The following SLC22A23 variants were observed in gnomAD, a reference collection of about 807,000 sequenced individuals.
The protein encoded by SLC22A23 is solute carrier family 22 member 23.
Under a neutral mutation model 61.0 loss-of-function variants are expected in SLC22A23, and 26 were observed. That is an observed-to-expected ratio of 0.43 (90% CI 0.31 to 0.59). The LOEUF is 0.59. Among genes scored for constraint, SLC22A23 ranks in the 20% least tolerant of loss-of-function variants. The pLI is 0.11. For missense variants in SLC22A23, 796 were observed against 934.7 expected, an observed-to-expected ratio of 0.85 and a Z score of 1.94; for synonymous variants, 430 against 413.9, an observed-to-expected ratio of 1.04 and a Z score of -0.47.
chr6:3,429,557 T>G (rs530061581), intron 1 of SLC22A23, among the ~76,000 whole-genome samples: 1 of 152,312 alleles, frequency 6.6e-6, no homozygotes, highest in East Asian at 1.9e-4. Context: ...AAATAGTCTG[T>G]AGACCCCCCA....
In SLC22A23 at chr6:3,309,352, G is replaced by A. The variant is rs1298552422; in HGVS notation, c.1083-11134C>T. On this transcript the variant is annotated intron_variant, in intron 4 of 9. Transcript: ENST00000406686. The surrounding 1 kb of genome is among the most constrained non-coding windows in gnomAD (Gnocchi z 4.7). ...CCAAGAATTCGAAATTAAGTAAAAG[G>A]GGTCTCTAATTAAATGCAGAGGTAA... Among the ~76,000 whole-genome samples, 1 of 152,138 alleles carries A rather than the reference G, an allele frequency of 6.6e-6. No individual in the cohort carries two copies. The highest frequency in any genetic ancestry group is 2.4e-5 in the African/African-American group (1 of 41,436).
At chr6:3,349,127 T>C (rs139222681) in intron 3 of SLC22A23, among the ~76,000 whole-genome samples, 52 of 152,346 alleles carry the variant, frequency 3.4e-4, no homozygotes, top group African/African-American at 1.2e-3. Context: ...AGCTGGGTGA[T>C]GGGGTGCTTC....
intron 3 of SLC22A23, among the ~76,000 whole-genome samples, chr6:3,383,267 G>C (rs1767068364): frequency 6.7e-6 from 1 of 149,908 alleles, no homozygotes; most frequent in South Asian, 2.2e-4. Context: ...ATGATGTACT[G>C]TTTATGCATA....
At chr6:3,291,286 C>G (rs1474850754) in intron 5 of SLC22A23, 1 of 152,222 alleles carries the variant, frequency 6.6e-6, no homozygotes, top group African/African-American at 2.4e-5. Context: ...CCTCTTCCAC[C>G]TCCTTCCTGC....
At chr6:3,375,476 C>G (rs961342518) in intron 3 of SLC22A23, among the ~76,000 whole-genome samples, 3 of 152,190 alleles carry the variant, frequency 2.0e-5, no homozygotes, top group African/African-American at 7.2e-5. Flanking sequence ...GGTAGTGGTG[C>G]ACTACAGTGA....
At chr6:3,370,158 T>G (rs947571157) in intron 3 of SLC22A23, among the ~76,000 whole-genome samples, 1 of 152,206 alleles carries the variant, frequency 6.6e-6, no homozygotes, top group Non-Finnish European at 1.5e-5. Flanking sequence ...CCTAAATTTA[T>G]TTTTTCCTTG....
intron 9 of SLC22A23, among the ~76,000 whole-genome samples, chr6:3,279,612 T>TC (rs1377684109): frequency 6.6e-5 from 10 of 151,670 alleles, no homozygotes; most frequent in African/African-American, 2.4e-4. Context: ...TGTTTTTTTT[T>TC]CTCTCTTGAA....
intron 1 of SLC22A23, among the ~76,000 whole-genome samples, chr6:3,420,595 A>G (rs1254980696): frequency 6.6e-6 from 1 of 152,230 alleles, no homozygotes; most frequent in Non-Finnish European, 1.5e-5. Flanking sequence ...AGATTTTGTA[A>G]CAGTCTAATG....
At chr6:3,394,784 A>G (rs1481474280) in intron 3 of SLC22A23, among the ~76,000 whole-genome samples, 1 of 152,126 alleles carries the variant, frequency 6.6e-6, no homozygotes, top group African/African-American at 2.4e-5. Context: ...CAGCCCCCAC[A>G]TGATAGTCCC....
intron 1 of SLC22A23, among the ~76,000 whole-genome samples, chr6:3,453,719 C>T (rs945471548): frequency 1.3e-5 from 2 of 152,188 alleles, no homozygotes; most frequent in Non-Finnish European, 2.9e-5. Context: ...GGCTTATTTG[C>T]AAGAGAAAGA....
In SLC22A23 at chr6:3,455,945, G is replaced by A; in HGVS notation, c.615C>T (p.Tyr205=). Residue 205 remains tyrosine (Y), a synonymous_variant, in exon 1 of 10, where the codon TAC becomes TAT. Transcript: ENST00000406686. ...ASNCDCRAWD[Y]GIRAGLVQNV... is the part of the protein sequence containing the mutation. The stretch of plus-strand genomic sequence containing the variant: ...TCTGGACGAGGCCGGCGCGGATGCC[G>A]TAGTCCCATGCGCGGCAGTCACAGT... 2 of 1,534,778 alleles carry A rather than the reference G, an allele frequency of 1.3e-6. No individual in the cohort carries two copies. Among genetic ancestry groups the A allele is most frequent in the East Asian group, 2.5e-5 (1 of 40,552 alleles).
intron 9 of SLC22A23, chr6:3,283,492 GT>G: frequency 3.2e-6 from 1 of 313,610 alleles, no homozygotes; most frequent in Admixed American, 4.2e-5. Context: ...TAGCTGTGCC[GT>G]GAGGTCTCTT....
chr6:3,302,451 TTA>T (rs1761680394), intron 4 of SLC22A23, among the ~76,000 whole-genome samples: 4 of 152,224 alleles, frequency 2.6e-5, no homozygotes, highest in Non-Finnish European at 5.9e-5. Flanking sequence ...TTGATCTTTA[TTA>T]TTTCTTTCCT....
In SLC22A23 at chr6:3,376,016, A is replaced by T. The variant is rs532282638; in HGVS notation, c.913+34172T>A. 3.4e-4 allele frequency among the ~76,000 whole-genome samples: 52 copies of T among 152,276 alleles called. 1 individual carries two copies. The South Asian group carries it at 0.011, about 31-fold the overall frequency. On this transcript the variant is annotated intron_variant, in intron 3 of 9. Transcript: ENST00000406686. ...GAAGGCATTAGGAAGCCTCTTCCAT[A>T]TTTCATTTTTGAATATTTTATGGCC...
chr6:3,269,429 G>A lies in SLC22A23; in HGVS notation c.*3626C>T, dbSNP rs897260226. 2 of 152,606 alleles carry A rather than the reference G, an allele frequency of 1.3e-5. No homozygotes were observed. Among genetic ancestry groups the A allele is most frequent in the Non-Finnish European group, 2.9e-5 (2 of 68,048 alleles). The allele number at this position is 152,606 out of a possible 1,614,324, so 9.5% of individuals were successfully genotyped here. A position where few individuals can be genotyped will look rare whatever the true frequency, so the allele number is the denominator to read the frequency against. On this transcript the variant is annotated 3_prime_UTR_variant, in exon 10 of 10. Transcript: ENST00000406686. The stretch of plus-strand genomic sequence containing the variant: ...AATGCCCTTCGGTGGATACCATCAG[G>A]TGAGGTAGGGAAGACATTCCAGAGG...
intron 3 of SLC22A23, among the ~76,000 whole-genome samples, chr6:3,346,882 C>A (rs757126007): frequency 5.3e-5 from 8 of 152,128 alleles, no homozygotes; most frequent in Admixed American, 6.5e-5. Context: ...AGAGCATATA[C>A]CCCCTAGTAG....
At chr6:3,382,794 T>C (rs1767037773) in intron 3 of SLC22A23, among the ~76,000 whole-genome samples, 1 of 152,206 alleles carries the variant, frequency 6.6e-6, no homozygotes, top group Non-Finnish European at 1.5e-5. Context: ...CAGAAAAAGT[T>C]TGTTGAGTCC....
rs1767337956 is a variant in SLC22A23, at chr6:3,386,760, C to T, written c.913+23428G>A. The stretch of plus-strand genomic sequence containing the variant: ...GGCGGCAGTGGGACTGGGTCTCCCA[C>T]CCAGGGCACCACTGGAAGGACATCT... On this transcript the variant is annotated intron_variant, in intron 3 of 9. Coordinates refer to ENST00000406686, the MANE Select transcript of SLC22A23 (RefSeq NM_015482.2). This position sits in a 1 kb window ranked among gnomAD's most constrained non-coding sequence, Gnocchi z 4.4. 6.6e-6 allele frequency among the ~76,000 whole-genome samples: 1 copy of T among 152,232 alleles called. No individual in the cohort carries two copies. Among genetic ancestry groups the T allele is most frequent in the South Asian group, 2.1e-4 (1 of 4,830 alleles).
At position 3,286,642 on chromosome 6, in the gene SLC22A23, C is replaced by T. The variant is rs1387595076; in HGVS notation, c.1546+217G>A. 2.0e-5 allele frequency among the ~76,000 whole-genome samples: 3 copies of T among 152,176 alleles called. No homozygotes were observed. The highest frequency in any genetic ancestry group is 1.9e-4 in the East Asian group (1 of 5,194). ...ACTCGGAAGGAATCATGGTGCAGCC[C>T]GGGCCGGGGCAGGGGCAGGGGGAGG... is the stretch of plus-strand genomic sequence containing the variant. On this transcript the variant is annotated intron_variant, in intron 7 of 9. Coordinates refer to ENST00000406686, the MANE Select transcript of SLC22A23 (RefSeq NM_015482.2). The surrounding 1 kb of genome is among the most constrained non-coding windows in gnomAD (Gnocchi z 4.2).
Sources: gnomAD v4.1 joint callset for allele counts (sites outside exome capture counted in the v4.1 genomes callset) on GRCh38, gnomAD v4.1.1 for gene constraint, Gnocchi (gnomAD v3.1) non-coding constraint, MANE v1.5 for transcripts, NCBI Gene and HGNC (gene_info 2026-07-23, HGNC 2026-07-21) for gene names.